KIRREL3: variants seen among roughly 807,000 people sequenced by gnomAD.
KIRREL3 encodes kirre like nephrin family adhesion molecule 3, also known as kin of IRRE-like protein 3.
KIRREL3 carries 36 observed loss-of-function variants against 89.7 expected under a neutral mutation model. The ratio of observed to expected loss-of-function variants is 0.40; its 90% CI spans 0.31 to 0.53. The LOEUF (loss-of-function observed/expected upper bound fraction) is 0.53. Ranked by LOEUF, KIRREL3 falls within the 20% of genes least tolerant of loss-of-function variation. The pLI is 0.49. For missense variants in KIRREL3, 864 were observed against 1,056.6 expected (o/e 0.82, Z 2.53); for synonymous variants, 445 against 441.4 (o/e 1.01, Z -0.10).
intron 7 of KIRREL3, among the ~76,000 whole-genome samples, chr11:126,451,013 G>A (rs1322571381): frequency 6.6e-6 from 1 of 151,128 alleles, no homozygotes; most frequent in Non-Finnish European, 1.5e-5. Flanking sequence ...GCACGTGAGT[G>A]CATGTGTCCA....
chr11:126,861,530 G>T (rs964239191), intron 1 of KIRREL3, among the ~76,000 whole-genome samples: 5 of 152,222 alleles, frequency 3.3e-5, no homozygotes, highest in Admixed American at 6.5e-5. Flanking sequence ...TTGGGAGGTG[G>T]AGTTCACAGG....
rs1043376827 is a variant in KIRREL3 at position 126,896,629 on chromosome 11, T to C, written c.55+103826A>G. ...TGTCCATGGGCTTCAGTGCCCACCA[T>C]GCAGTGCATGGGAGACCGAGGGAAT... On this transcript the variant is annotated intron_variant, in intron 1 of 16. Transcript: ENST00000525144. This position sits in a 1 kb window ranked among gnomAD's most constrained non-coding sequence, Gnocchi z 4.1. Among the ~76,000 whole-genome samples the C allele has an allele frequency of 5.9e-5, 9 of 152,298 alleles. No individual in the cohort carries two copies. The highest frequency in any genetic ancestry group is 3.9e-4 in the Admixed American group (6 of 15,306).
At chr11:126,869,235 A>G (rs988372518) in intron 1 of KIRREL3, among the ~76,000 whole-genome samples, 8 of 150,636 alleles carry the variant, frequency 5.3e-5, no homozygotes, top group African/African-American at 2.0e-4. Context: ...CCCTCAGCCA[A>G]TGACAGAGGG....
rs771834090 is a variant in KIRREL3 at position 126,627,673 on chromosome 11, G to A, written c.56-64761C>T. On this transcript the variant is annotated intron_variant, in intron 1 of 16. Transcript: ENST00000525144. This position sits in a 1 kb window ranked among gnomAD's most constrained non-coding sequence, Gnocchi z 5.0. ...CAAGCAGCTGTCACTGGGACCCTGC[G>A]TGGGGCCTGCTGCCTCATTAGCTCC... Among the ~76,000 whole-genome samples, 40 of 152,220 alleles carry A rather than the reference G, an allele frequency of 2.6e-4. No individual in the cohort carries two copies. The highest frequency in any genetic ancestry group is 4.6e-4 in the Admixed American group (7 of 15,286).
rs1940677416 is a variant in KIRREL3, at chr11:126,568,427, G to C, written c.56-5515C>G. Among the ~76,000 whole-genome samples, 1 of 152,202 alleles carries C rather than the reference G, an allele frequency of 6.6e-6. No individual in the cohort carries two copies. The highest frequency in any genetic ancestry group is 1.5e-5 in the Non-Finnish European group (1 of 68,034). Reference sequence around the variant, plus strand: ...GCCAGAGATCAGAAAGCAAGGGAAGGACCCTCAGTTTTATCCTGACATTCA... The same window carrying C: ...GCCAGAGATCAGAAAGCAAGGGAAGCACCCTCAGTTTTATCCTGACATTCA... On this transcript the variant is annotated intron_variant, in intron 1 of 16. Coordinates refer to ENST00000525144, the MANE Select transcript of KIRREL3 (RefSeq NM_032531.4). This position sits in a 1 kb window ranked among gnomAD's most constrained non-coding sequence, Gnocchi z 4.6.
intron 1 of KIRREL3, among the ~76,000 whole-genome samples, chr11:126,847,798 C>T (rs2213133): frequency 0.85 from 129,131 of 152,152 alleles, 55,003 homozygotes; most frequent in East Asian, 1. Flanking sequence ...ATTTGGAACA[C>T]ATTTGTTTCC....
chr11:127,000,435 C>T lies in KIRREL3; in HGVS notation c.55+20G>A, dbSNP rs371860666. ...AACCCAGCCGACTTTCTTCCAACTC[C>T]AGCAGCGCAGGGGTCCTACCTTGAC... is the stretch of plus-strand genomic sequence containing the variant. On this transcript the variant is annotated intron_variant, in intron 1 of 16. Coordinates refer to ENST00000525144, the MANE Select transcript of KIRREL3 (RefSeq NM_032531.4). The surrounding 1 kb of genome is among the most constrained non-coding windows in gnomAD (Gnocchi z 7.1). 2.3e-5 allele frequency: 37 copies of T among 1,589,540 alleles called. No individual in the cohort carries two copies. In the African/African-American group the frequency reaches 4.6e-4, roughly 20 times the overall value.
rs1366814495 is a variant in KIRREL3, at chr11:126,575,643, G to A, written c.56-12731C>T. On this transcript the variant is annotated intron_variant, in intron 1 of 16. Transcript: ENST00000525144. This position sits in a 1 kb window ranked among gnomAD's most constrained non-coding sequence, Gnocchi z 7.0. ...TTAGCCTGAGGAATCCAGTTCTGTA[G>A]CTTGAATAGAGACTGCTATGTTGTT... 6.6e-6 allele frequency among the ~76,000 whole-genome samples: 1 copy of A among 152,174 alleles called. No homozygotes were observed. Among genetic ancestry groups the A allele is most frequent in the Non-Finnish European group, 1.5e-5 (1 of 68,028 alleles).
Position 126,802,846 on chromosome 11 carries a change from T to A in KIRREL3, c.55+197609A>T, listed in dbSNP as rs1951082418. 2.6e-5 allele frequency among the ~76,000 whole-genome samples: 4 copies of A among 152,238 alleles called. No individual in the cohort carries two copies. The South Asian group carries it at 8.3e-4, about 32-fold the overall frequency. ...GTGACCAGAAATATGCCATAGGAACTTAACTCTTGTTTATATCAATTAGCC... is the reference window on the plus strand; with the variant it reads ...GTGACCAGAAATATGCCATAGGAACATAACTCTTGTTTATATCAATTAGCC... On this transcript the variant is annotated intron_variant, in intron 1 of 16. Transcript: ENST00000525144. The surrounding 1 kb of genome is among the most constrained non-coding windows in gnomAD (Gnocchi z 5.2).
Position 126,808,433 on chromosome 11 carries a change from G to A in KIRREL3, c.55+192022C>T, listed in dbSNP as rs1010874501. ...GGTGGGAGGGCTCTGCTAAGATGTA[G>A]AGCAGTTATTAAGGCCTTAAGATAA... is the stretch of plus-strand genomic sequence containing the variant. On this transcript the variant is annotated intron_variant, in intron 1 of 16. Transcript: ENST00000525144. The surrounding 1 kb of genome is among the most constrained non-coding windows in gnomAD (Gnocchi z 4.1). 6.6e-5 allele frequency among the ~76,000 whole-genome samples: 10 copies of A among 152,246 alleles called. No homozygotes were observed. Among genetic ancestry groups the A allele is most frequent in the African/African-American group, 2.4e-4 (10 of 41,532 alleles).
chr11:126,667,127 G>A (rs915633534), intron 1 of KIRREL3, among the ~76,000 whole-genome samples: 13 of 152,198 alleles, frequency 8.5e-5, no homozygotes, highest in Non-Finnish European at 1.5e-4. Flanking sequence ...GGAGGACAAA[G>A]CATCTCAGTA....
rs1944082488 is a variant in KIRREL3, at chr11:126,632,674, T to C, written c.56-69762A>G. ...CTTGTCTCTATTATTTTCTTGCTCA[T>C]CCTCCTTCCCTGCCACAAGCCTCCT... is the stretch of plus-strand genomic sequence containing the variant. On this transcript the variant is annotated intron_variant, in intron 1 of 16. Coordinates refer to ENST00000525144, the MANE Select transcript of KIRREL3 (RefSeq NM_032531.4). Among the ~76,000 whole-genome samples the C allele has an allele frequency of 2.7e-5, 3 of 110,790 alleles. 1 individual carries two copies. The highest frequency in any genetic ancestry group is 3.6e-5 in the Non-Finnish European group (2 of 55,482). 72.7% of individuals were successfully genotyped at this position (110,790 alleles called of 152,430 possible). A position where few individuals can be genotyped will look rare whatever the true frequency, so the allele number is the denominator to read the frequency against.
In KIRREL3 at chr11:126,424,556, G is replaced by A. The variant is rs370422337; in HGVS notation, c.*24C>T. ...CGTGCCCTGACCTCTTCCCTGGCCC[G>A]TCCCCACCCGCGGTGTGTGATCCTT... On this transcript the variant is annotated 3_prime_UTR_variant, in exon 17 of 17. Transcript: ENST00000525144. 48 of 1,609,228 alleles carry A rather than the reference G, an allele frequency of 3.0e-5. No homozygotes were observed. The highest frequency in any genetic ancestry group is 7.7e-5 in the South Asian group (7 of 90,904).
Position 126,553,274 on chromosome 11 carries a change from T to A in KIRREL3, c.133+9561A>T, listed in dbSNP as rs1311863663. 6.6e-6 allele frequency among the ~76,000 whole-genome samples: 1 copy of A among 152,086 alleles called. No individual in the cohort carries two copies. Among genetic ancestry groups the A allele is most frequent in the Non-Finnish European group, 1.5e-5 (1 of 68,020 alleles). ...CAATATCTTCTGTTCCATTTTTTTT[T>A]AAATGACACTCTGAGCACTTCTATC... On this transcript the variant is annotated intron_variant, in intron 2 of 16. Transcript: ENST00000525144. The surrounding 1 kb of genome is among the most constrained non-coding windows in gnomAD (Gnocchi z 4.7).
chr11:126,745,013 C>G (rs1292906176), intron 1 of KIRREL3, among the ~76,000 whole-genome samples: 1 of 152,150 alleles, frequency 6.6e-6, no homozygotes, highest in Non-Finnish European at 1.5e-5. Flanking sequence ...GTTGCATATT[C>G]TGGTTAGAGG....
At chr11:126,512,399 G>A (rs1440389578) in intron 4 of KIRREL3, among the ~76,000 whole-genome samples, 1 of 152,208 alleles carries the variant, frequency 6.6e-6, no homozygotes, top group East Asian at 1.9e-4. Context: ...CCTGTCAATG[G>A]CCAGTGGCCA....
At chr11:126,483,072 C>T (rs944434350) in intron 4 of KIRREL3, among the ~76,000 whole-genome samples, 4 of 152,214 alleles carry the variant, frequency 2.6e-5, no homozygotes, top group Non-Finnish European at 4.4e-5. Flanking sequence ...TTCTTTGACC[C>T]ATCTCCCCTG....
In KIRREL3 at chr11:126,440,544, G is replaced by A. The variant is rs1380880081; in HGVS notation, c.1258C>T (p.Pro420Ser). The A allele has an allele frequency of 2.5e-6, 4 of 1,596,552 alleles. No individual in the cohort carries two copies. The highest frequency in any genetic ancestry group is 8.5e-7 in the Non-Finnish European group (1 of 1,171,976). Residue 420 changes from proline (P) to serine (S), a missense_variant, in exon 11 of 17, where the codon CCC becomes TCC. Pro to Ser is a moderately conservative substitution (Grantham distance 74). Coordinates refer to ENST00000525144, the MANE Select transcript of KIRREL3 (RefSeq NM_032531.4). ...REVTLTVNGPPIISSTQTQHA... is the reference protein window; with the variant it reads ...REVTLTVNGPSIISSTQTQHA... ...TGGGTCTGGGTGCTGGAGATGATGG[G>A]GGGTCCTGTTGAGAAACAGCGTCCC...
intron 1 of KIRREL3, among the ~76,000 whole-genome samples, chr11:126,959,430 ATGTTGT>A (rs762348870): frequency 6.6e-6 from 1 of 151,940 alleles, no homozygotes. Flanking sequence ...ATACCCCTAA[ATGTTGT>A]TGTTGTTGTT....
Sources: allele counts gnomAD v4.1 joint callset (sites outside exome capture counted in the v4.1 genomes callset), GRCh38; gene constraint gnomAD v4.1.1; non-coding constraint Gnocchi (gnomAD v3.1); transcripts MANE v1.5; gene names NCBI Gene and HGNC (gene_info 2026-07-23, HGNC 2026-07-21).